MYL10: variants seen among roughly 807,000 people sequenced by gnomAD.
MYL10 encodes myosin regulatory light chain 10.
A neutral mutation model predicts 21.9 loss-of-function variants in MYL10; 18 were observed. The observed-to-expected ratio is 0.82, with a 90% CI of 0.57 to 1.22. MYL10 has a LOEUF of 1.22. Among genes scored for constraint, MYL10 ranks in the 50% most tolerant of loss-of-function variants. MYL10 has a pLI of 0.00. For synonymous variants in MYL10, 88 were observed against 82.8 expected (o/e 1.06, Z -0.34); for missense variants, 225 against 230.4 (o/e 0.98, Z 0.15).
intron 3 of MYL10, 60 bp from the exon 4 acceptor site, chr7:101,623,132 A>AG: frequency 2.0e-6 from 3 of 1,517,494 alleles, no homozygotes; most frequent in Non-Finnish European, 2.7e-6. Flanking sequence ...CACCTCCCCC[A>AG]GGGACCGTCC....
chr7:101,616,407 T>A, intron 5 of MYL10, 109 bp from the exon 6 acceptor site: 2 of 768,746 alleles, frequency 2.6e-6, no homozygotes, highest in Non-Finnish European at 4.4e-6. Context: ...CCACGGCCCC[T>A]GCACAGAGGC....
Position 101,624,035 on chromosome 7 carries a change from AAATAAT to A in MYL10, c.172-20_172-15del, listed in dbSNP as rs377013054. Reference sequence around the variant, plus strand: ...CAGAGCCAGACTCTGTCAAACAAACAAATAATAATAATAATAATAGTAATAATGACA... The same window carrying A: ...CAGAGCCAGACTCTGTCAAACAAACAAATAATAATAATAGTAATAATGACA... On this transcript the variant is annotated splice_polypyrimidine_tract_variant and intron_variant, in intron 2 of 7. Coordinates refer to ENST00000223167, the MANE Select transcript of MYL10 (RefSeq NM_138403.5). 1.1e-5 allele frequency: 7 copies of A among 653,300 alleles called. No homozygotes were observed. Among genetic ancestry groups the A allele is most frequent in the South Asian group, 1.7e-5 (1 of 57,938 alleles). The allele number at this position is 653,300 out of a possible 1,614,324, so 40.5% of individuals were successfully genotyped here.
intron 1 of MYL10, among the ~76,000 whole-genome samples, chr7:101,628,310 G>T (rs1417482853): frequency 6.6e-6 from 1 of 152,076 alleles, no homozygotes; most frequent in Non-Finnish European, 1.5e-5. Context: ...AAAAAAATTA[G>T]CCGAGCATGG....
At chr7:101,613,842 GACCCT>G in intron 6 of MYL10, 132 bp from the exon 7 acceptor site, 1 of 835,608 alleles carries the variant, frequency 1.2e-6, no homozygotes, top group Non-Finnish European at 2.0e-6. Flanking sequence ...ACCTGGGGCT[GACCCT>G]GCCAGCCCCC....
At chr7:101,620,457 A>G (rs1584539260) in intron 5 of MYL10, among the ~76,000 whole-genome samples, 1 of 152,230 alleles carries the variant, frequency 6.6e-6, no homozygotes, top group East Asian at 1.9e-4. Flanking sequence ...ATTCTCCCCA[A>G]ATCCTCTGCC....
intron 1 of MYL10, among the ~76,000 whole-genome samples, chr7:101,626,092 A>C (rs1380805261): frequency 6.6e-6 from 1 of 152,210 alleles, no homozygotes; most frequent in Non-Finnish European, 1.5e-5. Flanking sequence ...AATTCCCCTG[A>C]AAGGAACATC....
chr7:101,628,747 G>GT (rs1171087542), intron 1 of MYL10, among the ~76,000 whole-genome samples: 8 of 152,236 alleles, frequency 5.3e-5, no homozygotes, highest in African/African-American at 1.9e-4. Context: ...GGTTCAGGCA[G>GT]TGAGCCCACG....
chr7:101,613,828 A>T, intron 6 of MYL10, 118 bp from the exon 7 acceptor site: 1 of 993,984 alleles, frequency 1.0e-6, no homozygotes, highest in Non-Finnish European at 1.6e-6. Flanking sequence ...CCAGGAGGAC[A>T]TCAACCTGGG....
In MYL10 at chr7:101,613,397, C is replaced by T. The variant is rs941458894; in HGVS notation, c.*78G>A. 4.8e-6 allele frequency: 6 copies of T among 1,241,810 alleles called. No homozygotes were observed. In the Admixed American group the frequency reaches 1.1e-4, roughly 22 times the overall value. The allele number at this position is 1,241,810 out of a possible 1,614,324, so 76.9% of individuals were successfully genotyped here. A position where few individuals can be genotyped will look rare whatever the true frequency, so the allele number is the denominator to read the frequency against. Reference sequence around the variant, plus strand: ...GACAAGGGAAGCCTTTTTCCTGCAGCCTCTGGCTGCAAGAGCTCCCTGTCA... The same window carrying T: ...GACAAGGGAAGCCTTTTTCCTGCAGTCTCTGGCTGCAAGAGCTCCCTGTCA... On this transcript the variant is annotated 3_prime_UTR_variant, in exon 8 of 8. Transcript: ENST00000223167.
intron 3 of MYL10, among the ~76,000 whole-genome samples, chr7:101,623,294 G>A (rs1034329056): frequency 2.0e-5 from 3 of 152,166 alleles, no homozygotes; most frequent in South Asian, 2.1e-4. Flanking sequence ...AGTCTGGCCC[G>A]AGGTCACACA....
At chr7:101,624,303 C>G (rs766724304) in intron 1 of MYL10, 39 bp from the exon 2 acceptor site, 2 of 1,530,670 alleles carry the variant, frequency 1.3e-6, no homozygotes, top group Non-Finnish European at 1.8e-6. Flanking sequence ...CGGCCCCTGC[C>G]TCGAGGGTCA....
At chr7:101,620,509 T>C (rs1368980862) in intron 5 of MYL10, among the ~76,000 whole-genome samples, 1 of 152,250 alleles carries the variant, frequency 6.6e-6, no homozygotes, top group Non-Finnish European at 1.5e-5. Context: ...AGAGAATACA[T>C]GTCTGTTGTT....
intron 1 of MYL10, among the ~76,000 whole-genome samples, chr7:101,627,774 G>A (rs1281620702): frequency 1.3e-5 from 2 of 152,234 alleles, no homozygotes; most frequent in Non-Finnish European, 2.9e-5. Flanking sequence ...ACCCAGGAAG[G>A]GGCATTTGGC....
At chr7:101,616,163 C>T in intron 6 of MYL10, 57 bp downstream of exon 6, 1 of 1,514,616 alleles carries the variant, frequency 6.6e-7, no homozygotes, top group Non-Finnish European at 9.1e-7. Context: ...CACCCTGACC[C>T]CAGCCCAAAG....
Position 101,622,095 on chromosome 7 carries a change from C to T in MYL10, c.454+1G>A. 6.2e-7 allele frequency: 1 copy of T among 1,613,216 alleles called. No individual in the cohort carries two copies. Among genetic ancestry groups the T allele is most frequent in the Non-Finnish European group, 8.5e-7 (1 of 1,179,232 alleles). On this transcript the variant is annotated splice_donor_variant, in intron 5 of 7. Coordinates refer to ENST00000223167, the MANE Select transcript of MYL10 (RefSeq NM_138403.5). LOFTEE classifies it high-confidence loss of function. The stretch of plus-strand genomic sequence containing the variant: ...TCCAGGACTCCAGGAGCCTGGCTCA[C>T]CCTTCAGCTTCTCCCCAAACATGGT...
At chr7:101,615,445 G>A (rs537667797) in intron 6 of MYL10, among the ~76,000 whole-genome samples, 13 of 151,098 alleles carry the variant, frequency 8.6e-5, no homozygotes, top group African/African-American at 1.7e-4. Context: ...GGGTGTGAGC[G>A]CTCCCCCAGA....
intron 1 of MYL10, among the ~76,000 whole-genome samples, chr7:101,627,809 T>C (rs949253682): frequency 1.3e-5 from 2 of 152,240 alleles, no homozygotes; most frequent in African/African-American, 2.4e-5. Flanking sequence ...AAGTTGAGGC[T>C]GCCTACCCCA....
At chr7:101,615,117 C>A (rs114335031) in intron 6 of MYL10, among the ~76,000 whole-genome samples, 1,761 of 152,224 alleles carry the variant, frequency 0.012, 22 homozygotes, top group African/African-American at 0.041. Context: ...CCGGTGCCTG[C>A]CAGACAGCTG....
intron 6 of MYL10, among the ~76,000 whole-genome samples, chr7:101,614,602 CG>C (rs1796587185): frequency 6.6e-6 from 1 of 152,104 alleles, no homozygotes; most frequent in Non-Finnish European, 1.5e-5. Flanking sequence ...GGGGTTACTC[CG>C]GGGGTGACTC....
Sources: allele counts gnomAD v4.1 joint callset (sites outside exome capture counted in the v4.1 genomes callset), GRCh38; gene constraint gnomAD v4.1.1; transcripts MANE v1.5; gene names NCBI Gene and HGNC (gene_info 2026-07-23, HGNC 2026-07-21).